ZFHX3: variants seen among roughly 807,000 people sequenced by gnomAD.
ZFHX3 encodes the protein zinc finger homeobox protein 3.
In ZFHX3, 42 loss-of-function variants were observed where a neutral mutation model predicts 279.1. The ratio of observed to expected loss-of-function variants is 0.15; its 90% CI spans 0.12 to 0.19. The LOEUF (loss-of-function observed/expected upper bound fraction) is 0.19, where lower values mean the gene tolerates loss of function less well. Among genes scored for constraint, ZFHX3 ranks in the 10% least tolerant of loss-of-function variants. The pLI is 1.00. For missense variants in ZFHX3, 4,981 were observed against 4,754.0 expected (o/e 1.05, Z -1.40); for synonymous variants, 2,293 against 1,957.8 (o/e 1.17, Z -4.52).
chr16:73,350,763 C>T (rs562343215), intron 3 of ZFHX3, among the ~76,000 whole-genome samples: 1 of 152,344 alleles, frequency 6.6e-6, no homozygotes, highest in South Asian at 2.1e-4. Context: ...GGCATTGCTA[C>T]TCAAGGGACA....
Position 73,780,111 on chromosome 16 carries a change from A to ATTTTTTTTTTTTTTTTTTT in ZFHX3, c.-1607-99890_-1607-99872dup, listed in dbSNP as rs762134796. Among the ~76,000 whole-genome samples the ATTTTTTTTTTTTTTTTTTT allele has an allele frequency of 6.0e-5, 2 of 33,168 alleles. 1 individual carries two copies. The highest frequency in any genetic ancestry group is 1.5e-4 in the Non-Finnish European group (2 of 13,568). 21.8% of individuals were successfully genotyped at this position (33,168 alleles called of 152,430 possible). ...AACCAGCAAAACTCACTGCATTTGA[A>ATTTTTTTTTTTTTTTTTTT]TTTTTTTTTTTTTTTTTTTTTTTTT... On this transcript the variant is annotated intron_variant, in intron 1 of 17. Transcript: ENST00000641206.
At chr16:73,269,938 G>C (rs1215338182) in intron 4 of ZFHX3, among the ~76,000 whole-genome samples, 1 of 151,976 alleles carries the variant, frequency 6.6e-6, no homozygotes, top group Non-Finnish European at 1.5e-5. Context: ...AGTAGAGATG[G>C]AGTTTCACCA....
rs371736555 is a variant in ZFHX3, at chr16:73,890,799, G to A, written c.-1608+852C>T. Among the ~76,000 whole-genome samples the A allele has an allele frequency of 5.8e-4, 88 of 152,026 alleles. 3 individuals are homozygous for A. The South Asian group carries it at 0.018, about 31-fold the overall frequency. On this transcript the variant is annotated intron_variant, in intron 1 of 17. Coordinates refer to the ZFHX3 transcript ENST00000641206. ...GGACCAAATAATCACGTGCGCTAGG[G>A]CTCCGGCACTGACCACTTAAAATTC... is the stretch of plus-strand genomic sequence containing the variant.
At chr16:73,190,477 T>C (rs767256219) in intron 5 of ZFHX3, among the ~76,000 whole-genome samples, 6 of 152,194 alleles carry the variant, frequency 3.9e-5, no homozygotes, top group Middle Eastern at 3.2e-3. Context: ...TTTCCAGCCA[T>C]AAAACAGGGA....
At chr16:73,678,677 A>G (rs956688975) in intron 2 of ZFHX3, among the ~76,000 whole-genome samples, 8 of 152,168 alleles carry the variant, frequency 5.3e-5, no homozygotes, top group African/African-American at 1.7e-4. Flanking sequence ...AAAAACTGCT[A>G]TATGTCTGAA....
chr16:73,061,281 G>A (rs1965680043), upstream of ZFHX3: 1 of 151,912 alleles, frequency 6.6e-6, no homozygotes, highest in African/African-American at 2.4e-5. Context: ...TGTCTTTTGT[G>A]AGGTTAATGC....
chr16:73,682,631 C>A (rs2053022639), intron 1 of ZFHX3, among the ~76,000 whole-genome samples: 1 of 151,416 alleles, frequency 6.6e-6, no homozygotes, highest in Non-Finnish European at 1.5e-5. Context: ...ACTAAAAATA[C>A]AAAAAATGAG....
At position 72,957,791 on chromosome 16, in the gene ZFHX3, A is replaced by G. The variant is rs1320473293; in HGVS notation, c.2355T>C (p.Asn785=). The G allele has an allele frequency of 1.2e-6, 2 of 1,612,270 alleles. No homozygotes were observed. The highest frequency in any genetic ancestry group is 1.1e-5 in the South Asian group (1 of 91,044). ...AGGGGGCCCCGCAGGAGCTACTGATATTGGCTGCCGCCGCCGCCGCAGCCA... is the reference window on the plus strand; with the variant it reads ...AGGGGGCCCCGCAGGAGCTACTGATGTTGGCTGCCGCCGCCGCCGCAGCCA... The part of the protein sequence containing the change: ...AAVAAAAAAA[N]ISSSCGAPSP... The change falls in exon 2 of 10, where the codon AAT becomes AAC. Residue 785 remains asparagine (N), a synonymous_variant. Transcript: ENST00000268489.
intron 2 of ZFHX3, among the ~76,000 whole-genome samples, chr16:73,676,221 T>G (rs1490740677): frequency 6.6e-6 from 1 of 152,036 alleles, no homozygotes; most frequent in Non-Finnish European, 1.5e-5. Context: ...TGACTATAAA[T>G]TATTTTTGAA....
intron 3 of ZFHX3, among the ~76,000 whole-genome samples, chr16:73,412,729 T>C (rs115024585): frequency 6.6e-6 from 1 of 152,332 alleles, no homozygotes; most frequent in African/African-American, 2.4e-5. Context: ...CCATGCGTGA[T>C]ACTGTTTCTG....
At chr16:73,391,234 G>C (rs1385658662) in intron 3 of ZFHX3, among the ~76,000 whole-genome samples, 1 of 152,136 alleles carries the variant, frequency 6.6e-6, no homozygotes, top group African/African-American at 2.4e-5. Flanking sequence ...CCAGCACTTT[G>C]GGAGGCCAAG....
chr16:73,006,072 TTTTC>T (rs1288054449), intron 1 of ZFHX3: 3 of 152,202 alleles, frequency 2.0e-5, no homozygotes, highest in Non-Finnish European at 4.4e-5. Context: ...CTGGAAATAA[TTTTC>T]TTTGTTTCTT....
chr16:72,905,135 C>T (rs529059487), intron 3 of ZFHX3, among the ~76,000 whole-genome samples: 5 of 152,230 alleles, frequency 3.3e-5, no homozygotes, highest in African/African-American at 7.2e-5. Flanking sequence ...CCACTACACC[C>T]GGCCCTTTCT....
chr16:73,292,219 G>C (rs2143102517), intron 4 of ZFHX3, among the ~76,000 whole-genome samples: 1 of 152,302 alleles, frequency 6.6e-6, no homozygotes, highest in East Asian at 1.9e-4. Context: ...AGTGGAATCA[G>C]GGCAGGTTAA....
At position 72,875,269 on chromosome 16, in the gene ZFHX3, C is replaced by T. The variant is rs56113926; in HGVS notation, c.3448+14462G>A. 6.6e-3 allele frequency among the ~76,000 whole-genome samples: 1,004 copies of T among 152,334 alleles called. 16 individuals are homozygous for T. In the South Asian group the frequency reaches 0.068, roughly 10 times the overall value. The stretch of plus-strand genomic sequence containing the variant: ...CACCTGGAACACAGCTCACTGAATA[C>T]GGCAGATACCTGCAGACTGGGGGCA... On this transcript the variant is annotated intron_variant, in intron 4 of 9. Coordinates refer to ENST00000268489, the MANE Select transcript of ZFHX3 (RefSeq NM_006885.4).
At chr16:73,267,481 A>T (rs2144975762) in intron 4 of ZFHX3, among the ~76,000 whole-genome samples, 1 of 152,248 alleles carries the variant, frequency 6.6e-6, no homozygotes, top group Non-Finnish European at 1.5e-5. Flanking sequence ...ATCTGTATTT[A>T]TACAGCATCC....
At chr16:72,882,980 GTGTGT>G (rs2038524707) in intron 4 of ZFHX3, among the ~76,000 whole-genome samples, 1,159 of 35,470 alleles carry the variant, frequency 0.033, 44 homozygotes, top group South Asian at 0.051. Flanking sequence ...ACTCTGGGGT[GTGTGT>G]GTGTGTGTGT....
At chr16:72,948,611 G>C (rs952778349) in intron 3 of ZFHX3, among the ~76,000 whole-genome samples, 1 of 152,136 alleles carries the variant, frequency 6.6e-6, no homozygotes, top group African/African-American at 2.4e-5. Context: ...GACTCCAGCC[G>C]CACGGAGGAT....
chr16:73,792,558 G>T (rs1050299900), intron 1 of ZFHX3, among the ~76,000 whole-genome samples: 3 of 152,128 alleles, frequency 2.0e-5, no homozygotes, highest in African/African-American at 4.8e-5. Context: ...GTCCTAATAG[G>T]TTCCAGATGT....
Sources: gnomAD v4.1 joint callset for allele counts (sites outside exome capture counted in the v4.1 genomes callset) on GRCh38, gnomAD v4.1.1 for gene constraint, MANE v1.5 for transcripts, NCBI Gene and HGNC (gene_info 2026-07-23, HGNC 2026-07-21) for gene names.